The following FNBP1L variants were observed in gnomAD, a reference collection of about 807,000 sequenced individuals.
FNBP1L encodes the protein formin binding protein 1 like, also known as formin-binding protein 1-like.
FNBP1L carries 36 observed loss-of-function variants against 91.2 expected under a neutral mutation model. The observed-to-expected ratio is 0.39, with a 90% CI of 0.30 to 0.52. The LOEUF (loss-of-function observed/expected upper bound fraction) is 0.52. FNBP1L is among the 20% of genes least tolerant of loss of function. The pLI is 0.66. For synonymous variants in FNBP1L, 242 were observed against 237.0 expected, an observed-to-expected ratio of 1.02 and a Z score of -0.19; for missense variants, 571 against 732.1, an observed-to-expected ratio of 0.78 and a Z score of 2.54.
chr1:93,470,142 A>AT (rs1009346076), intron 1 of FNBP1L, among the ~76,000 whole-genome samples: 28 of 151,104 alleles, frequency 1.9e-4, no homozygotes, highest in South Asian at 6.3e-4. Context: ...TTCTTTCTTT[A>AT]TTTTTTTTTG....
chr1:93,464,744 C>G (rs1306387254), intron 1 of FNBP1L, among the ~76,000 whole-genome samples: 1 of 151,850 alleles, frequency 6.6e-6, no homozygotes, highest in Admixed American at 6.6e-5. Context: ...ACTTAAATAC[C>G]TAGTTTGATG....
intron 1 of FNBP1L, among the ~76,000 whole-genome samples, chr1:93,469,650 CTAG>C (rs1255349651): frequency 1.3e-5 from 2 of 152,136 alleles, no homozygotes; most frequent in East Asian, 3.9e-4. Context: ...GTAGTATGTA[CTAG>C]TAAACTATAA....
At chr1:93,475,676 T>C (rs528298493) in intron 1 of FNBP1L, among the ~76,000 whole-genome samples, 1 of 152,310 alleles carries the variant, frequency 6.6e-6, no homozygotes, top group East Asian at 1.9e-4. Context: ...GTTAGATAAA[T>C]AAGCTGTAAA....
chr1:93,487,297 G>T (rs981284787), intron 1 of FNBP1L, among the ~76,000 whole-genome samples: 2 of 151,874 alleles, frequency 1.3e-5, no homozygotes, highest in African/African-American at 4.8e-5. Flanking sequence ...ATTTGATTTT[G>T]CCCATTCTTT....
chr1:93,544,571 A>T (rs550760458), intron 12 of FNBP1L, among the ~76,000 whole-genome samples: 18 of 152,292 alleles, frequency 1.2e-4, no homozygotes, highest in Non-Finnish European at 2.5e-4. Flanking sequence ...GCTATTTTGT[A>T]GCAAAACATT....
rs189874416 is a variant in FNBP1L, at chr1:93,448,122, G to A, written c.-160G>A. The A allele has an allele frequency of 4.6e-6, 4 of 871,742 alleles. No individual in the cohort carries two copies. Among genetic ancestry groups the A allele is most frequent in the African/African-American group, 3.6e-5 (2 of 55,128 alleles). The allele number at this position is 871,742 out of a possible 1,614,324, so 54.0% of individuals were successfully genotyped here. A position where few individuals can be genotyped will look rare whatever the true frequency, so the allele number is the denominator to read the frequency against. ...GTCGGCGGCGGAGGCTTCTCCAGTC[G>A]CGTCTTTCTCACTCACTGGGGAGCC... On this transcript the variant is annotated 5_prime_UTR_variant, in exon 1 of 17. Coordinates refer to ENST00000271234, the MANE Select transcript of FNBP1L (RefSeq NM_001164473.3).
chr1:93,467,737 T>C (rs1375933626), intron 1 of FNBP1L, among the ~76,000 whole-genome samples: 2 of 152,116 alleles, frequency 1.3e-5, no homozygotes, highest in East Asian at 3.9e-4. Context: ...ATTGTGCCTG[T>C]TAATAGCCAC....
At chr1:93,527,020 T>C (rs770004201) in intron 5 of FNBP1L, among the ~76,000 whole-genome samples, 2 of 152,112 alleles carry the variant, frequency 1.3e-5, no homozygotes, top group African/African-American at 2.4e-5. Context: ...TATTTAAATA[T>C]TTTAGGGGCT....
At chr1:93,450,500 G>A (rs966135863) in intron 1 of FNBP1L, among the ~76,000 whole-genome samples, 1 of 152,166 alleles carries the variant, frequency 6.6e-6, no homozygotes, top group African/African-American at 2.4e-5. Flanking sequence ...GCAGAACTTG[G>A]TGTAGAGGAC....
At chr1:93,545,834 A>G (rs1672204213) in intron 12 of FNBP1L, among the ~76,000 whole-genome samples, 1 of 120,660 alleles carries the variant, frequency 8.3e-6, no homozygotes. Flanking sequence ...TGGAGAAGAG[A>G]AAACATGGAG....
chr1:93,471,254 T>A (rs1348731973), intron 1 of FNBP1L, among the ~76,000 whole-genome samples: 2 of 152,210 alleles, frequency 1.3e-5, no homozygotes, highest in Non-Finnish European at 2.9e-5. Flanking sequence ...ATGCTGTCAC[T>A]CAAAAACTTT....
intron 10 of FNBP1L, 103 bp downstream of exon 10, chr1:93,536,593 C>T: frequency 9.3e-7 from 1 of 1,075,246 alleles, no homozygotes; most frequent in South Asian, 2.8e-5. Context: ...TATAAATACA[C>T]AGTTTAAAAA....
intron 2 of FNBP1L, among the ~76,000 whole-genome samples, chr1:93,514,147 G>T (rs1670977128): frequency 6.6e-6 from 1 of 152,160 alleles, no homozygotes; most frequent in Non-Finnish European, 1.5e-5. Flanking sequence ...GCCAAATCAT[G>T]AGTGAACTCC....
intron 1 of FNBP1L, among the ~76,000 whole-genome samples, chr1:93,457,983 G>A (rs2101685157): frequency 6.6e-6 from 1 of 152,068 alleles, no homozygotes; most frequent in East Asian, 1.9e-4. Context: ...AGTAGAGACA[G>A]GGTTTCACCG....
At chr1:93,540,101 G>A (rs1351773319) in intron 10 of FNBP1L, among the ~76,000 whole-genome samples, 1 of 151,990 alleles carries the variant, frequency 6.6e-6, no homozygotes, top group African/African-American at 2.4e-5. Context: ...TAGTTGGGAT[G>A]CTAGATAGAT....
At chr1:93,505,686 A>C (rs1474001641) in intron 2 of FNBP1L, among the ~76,000 whole-genome samples, 4 of 152,218 alleles carry the variant, frequency 2.6e-5, no homozygotes, top group African/African-American at 9.6e-5. Flanking sequence ...CAGGTCTTTA[A>C]ATAAATTTTG....
At chr1:93,534,591 G>C (rs1557815209) in intron 8 of FNBP1L, 114 bp from the exon 9 acceptor site, 1 of 617,278 alleles carries the variant, frequency 1.6e-6, no homozygotes, top group Non-Finnish European at 2.7e-6. Flanking sequence ...GATTATTGTG[G>C]AATTATTTAT....
intron 2 of FNBP1L, among the ~76,000 whole-genome samples, chr1:93,508,270 AC>A (rs1670702932): frequency 6.6e-6 from 1 of 151,890 alleles, no homozygotes; most frequent in Non-Finnish European, 1.5e-5. Flanking sequence ...GGATTGCTTG[AC>A]CCAGGAGGTG....
chr1:93,532,469 C>CAAA (rs35188106), intron 7 of FNBP1L, among the ~76,000 whole-genome samples: 20 of 62,562 alleles, frequency 3.2e-4, no homozygotes, highest in East Asian at 1.8e-3. Context: ...GACTCCGCCT[C>CAAA]AAAAAAAAAA....
Sources: gnomAD v4.1 joint callset for allele counts (sites outside exome capture counted in the v4.1 genomes callset) on GRCh38, gnomAD v4.1.1 for gene constraint, MANE v1.5 for transcripts, NCBI Gene and HGNC (gene_info 2026-07-23, HGNC 2026-07-21) for gene names.